Variants in PUM1 observed in about 807,000 individuals in gnomAD.
The protein encoded by PUM1 is pumilio homolog 1.
PUM1 carries 13 observed loss-of-function variants against 131.8 expected under a neutral mutation model. The ratio of observed to expected loss-of-function variants is 0.10; its 90% CI spans 0.06 to 0.16. The LOEUF (loss-of-function observed/expected upper bound fraction) is 0.16. Among genes scored for constraint, PUM1 ranks in the 10% least tolerant of loss-of-function variants. The probability of loss-of-function intolerance (pLI) is 1.00; values close to 1 mark genes in which losing one functional copy is unlikely to be tolerated. For synonymous variants in PUM1, 509 were observed against 556.5 expected (o/e 0.91, Z 1.20); for missense variants, 961 against 1,512.4 (o/e 0.64, Z 6.05).
chr1:31,009,782 A>AAAAAAAAAAAAAAC lies in PUM1; in HGVS notation c.433-2681_433-2680insGTTTTTTTTTTTTT, dbSNP rs375044466. ...GACTCTGTCTCAAAAAAAAAAAAAA[A>AAAAAAAAAAAAAAC]AAAAACAAAAACAGAAACAAAAAAA... is the stretch of plus-strand genomic sequence containing the variant. On this transcript the variant is annotated intron_variant, in intron 3 of 21. Transcript: ENST00000426105. 4.1e-4 allele frequency among the ~76,000 whole-genome samples: 51 copies of AAAAAAAAAAAAAAC among 125,332 alleles called. 1 individual carries two copies. The highest frequency in any genetic ancestry group is 4.4e-3 in the Middle Eastern group (1 of 226). The allele number at this position is 125,332 out of a possible 152,430, so 82.2% of individuals were successfully genotyped here. A position where few individuals can be genotyped will look rare whatever the true frequency, so the allele number is the denominator to read the frequency against.
At chr1:31,049,823 C>CTTTTTTTTT (rs773718125) in intron 2 of PUM1, among the ~76,000 whole-genome samples, 1 of 79,970 alleles carries the variant, frequency 1.3e-5, no homozygotes, top group Non-Finnish European at 2.2e-5. Flanking sequence ...ACTGAACTTC[C>CTTTTTTTTT]TTTTTTTTTT....
At chr1:31,025,706 C>A (rs1472811488) in intron 3 of PUM1, among the ~76,000 whole-genome samples, 5 of 151,924 alleles carry the variant, frequency 3.3e-5, no homozygotes, top group Non-Finnish European at 7.4e-5. Flanking sequence ...CAGGCGCACA[C>A]CATCACGCCC....
chr1:30,961,326 A>G (rs2124431857), intron 14 of PUM1, among the ~76,000 whole-genome samples: 1 of 151,234 alleles, frequency 6.6e-6, no homozygotes, highest in East Asian at 1.9e-4. Context: ...CCTGACCAAC[A>G]TAGCAAGACT....
chr1:31,054,709 T>C (rs550100330), intron 2 of PUM1, among the ~76,000 whole-genome samples: 26 of 152,328 alleles, frequency 1.7e-4, no homozygotes, highest in African/African-American at 6.3e-4. Flanking sequence ...TTACCATTAC[T>C]GCTTTTGGGA....
At chr1:31,034,969 A>G (rs966358999) in intron 2 of PUM1, among the ~76,000 whole-genome samples, 3 of 152,234 alleles carry the variant, frequency 2.0e-5, no homozygotes, top group Non-Finnish European at 2.9e-5. Context: ...GAAAGAGAAT[A>G]TAAGAATTAA....
intron 18 of PUM1, among the ~76,000 whole-genome samples, chr1:30,942,590 A>G (rs1639501468): frequency 6.6e-6 from 1 of 152,108 alleles, no homozygotes; most frequent in African/African-American, 2.4e-5. Context: ...CAGCAATAAG[A>G]AAAGATTCTT....
rs1557539471 is a variant in PUM1, at chr1:30,933,361, CTG to C, written c.3436-21_3436-20del. On this transcript the variant is annotated intron_variant, in intron 21 of 21. Transcript: ENST00000426105. ...GCCGGATCTGGGGAGGAAAGACAGT[CTG>C]TGTTACATGGCCTGAGATGAGACTT... 1 of 1,604,316 alleles carries C rather than the reference CTG, an allele frequency of 6.2e-7. No homozygotes were observed. The highest frequency in any genetic ancestry group is 1.3e-5 in the African/African-American group (1 of 74,594).
At chr1:31,015,109 T>C (rs1034645024) in intron 3 of PUM1, among the ~76,000 whole-genome samples, 2 of 152,224 alleles carry the variant, frequency 1.3e-5, no homozygotes, top group African/African-American at 4.8e-5. Flanking sequence ...AGACTGCTTC[T>C]CCTCATGCAT....
chr1:30,938,563 C>T (rs1218970253), intron 20 of PUM1, among the ~76,000 whole-genome samples: 1 of 151,026 alleles, frequency 6.6e-6, no homozygotes, highest in African/African-American at 2.4e-5. Flanking sequence ...CCTATTTTTT[C>T]TTTTTAAAAT....
At position 30,932,115 on chromosome 1, in the gene PUM1, CTATA is replaced by C. The variant is rs1197033879; in HGVS notation, c.*1092_*1095del. 1 of 152,576 alleles carries C rather than the reference CTATA, an allele frequency of 6.6e-6. No individual in the cohort carries two copies. The highest frequency in any genetic ancestry group is 1.5e-5 in the Non-Finnish European group (1 of 68,032). The allele number at this position is 152,576 out of a possible 1,614,324, so 9.5% of individuals were successfully genotyped here. On this transcript the variant is annotated 3_prime_UTR_variant, in exon 22 of 22. Coordinates refer to ENST00000426105, the MANE Select transcript of PUM1 (RefSeq NM_001020658.2). Reference sequence around the variant, plus strand: ...AAATTACAATTTACAATATACAACACTATATGCTACGACCATAAAAGGTGAGAAT... The same window carrying C: ...AAATTACAATTTACAATATACAACACTGCTACGACCATAAAAGGTGAGAAT...
Position 31,033,354 on chromosome 1 carries a change from G to GCCACCA in PUM1, c.364-4496_364-4491dup, listed in dbSNP as rs1643498937. 3.4e-5 allele frequency among the ~76,000 whole-genome samples: 5 copies of GCCACCA among 145,546 alleles called. No individual in the cohort carries two copies. In the South Asian group the frequency reaches 1.1e-3, roughly 32 times the overall value. ...TGAGCAGCTGAGACTATAGGTATGT[G>GCCACCA]CCACCACATCCAGCTAATTTTCTTT... On this transcript the variant is annotated intron_variant, in intron 2 of 21. Coordinates refer to ENST00000426105, the MANE Select transcript of PUM1 (RefSeq NM_001020658.2).
intron 20 of PUM1, among the ~76,000 whole-genome samples, chr1:30,940,435 C>T (rs1271224162): frequency 3.3e-5 from 5 of 152,212 alleles, no homozygotes; most frequent in Admixed American, 1.3e-4. Flanking sequence ...GACACTGTGC[C>T]ACTGCACTCA....
intron 21 of PUM1, among the ~76,000 whole-genome samples, chr1:30,935,094 T>C (rs546113846): frequency 4.6e-5 from 7 of 152,216 alleles, no homozygotes; most frequent in Non-Finnish European, 1.0e-4. Context: ...ATCTGGTGCC[T>C]TGACGGCCTC....
intron 14 of PUM1, among the ~76,000 whole-genome samples, chr1:30,958,198 C>T (rs1290716310): frequency 1.3e-5 from 2 of 151,910 alleles, no homozygotes; most frequent in Non-Finnish European, 2.9e-5. Flanking sequence ...CGTATAAAAC[C>T]CTGAAGATAA....
At chr1:30,937,614 A>G (rs549327073) in intron 20 of PUM1, among the ~76,000 whole-genome samples, 3 of 152,146 alleles carry the variant, frequency 2.0e-5, no homozygotes, top group Admixed American at 2.0e-4. Flanking sequence ...AAGTAAAAAT[A>G]GAAATTTTAG....
At chr1:31,053,476 CTTTTTTTTTTTTT>C (rs1644162121) in intron 2 of PUM1, among the ~76,000 whole-genome samples, 2 of 139,284 alleles carry the variant, frequency 1.4e-5, no homozygotes, top group East Asian at 2.2e-4. Flanking sequence ...TTTGGGAGGC[CTTTTTTTTTTTTT>C]GAGACAGGGT....
chr1:30,953,362 T>C (rs1009797085), intron 15 of PUM1, among the ~76,000 whole-genome samples: 3 of 152,326 alleles, frequency 2.0e-5, no homozygotes, highest in Admixed American at 6.5e-5. Context: ...CTGTCTTCTA[T>C]AATAGTTTCT....
intron 2 of PUM1, among the ~76,000 whole-genome samples, chr1:31,057,283 G>C (rs1169018915): frequency 1.3e-5 from 2 of 151,642 alleles, no homozygotes; most frequent in Non-Finnish European, 2.9e-5. Flanking sequence ...CAAACCTGTA[G>C]TCCCAGCTAC....
At chr1:30,964,975 C>T (rs1322895978) in intron 13 of PUM1, 65 bp from the exon 14 acceptor site, 12 of 1,371,332 alleles carry the variant, frequency 8.8e-6, no homozygotes, top group Admixed American at 5.2e-5. Flanking sequence ...AGCCCAGTGA[C>T]CTGTTCCTAA....
Sources: allele counts gnomAD v4.1 joint callset (sites outside exome capture counted in the v4.1 genomes callset), GRCh38; gene constraint gnomAD v4.1.1; transcripts MANE v1.5; gene names NCBI Gene and HGNC (gene_info 2026-07-23, HGNC 2026-07-21).